Variants in COL23A1 observed in about 807,000 individuals in gnomAD.
COL23A1 encodes collagen alpha-1(XXIII) chain.
In COL23A1, 97 loss-of-function variants were observed where a neutral mutation model predicts 99.3. The observed-to-expected ratio is 0.98, with a 90% CI of 0.83 to 1.16. COL23A1 has a LOEUF of 1.16. Among genes scored for constraint, COL23A1 ranks in the 50% most tolerant of loss-of-function variants. The probability of loss-of-function intolerance (pLI) is 0.00; values close to 1 mark genes in which losing one functional copy is unlikely to be tolerated. For synonymous variants in COL23A1, 320 were observed against 308.2 expected (o/e 1.04, Z -0.40); for missense variants, 762 against 757.4 (o/e 1.01, Z -0.07).
rs112164899 is a variant in COL23A1 at position 178,275,949 on chromosome 5, G to C, written c.442-5586C>G. Among the ~76,000 whole-genome samples, 1,159 of 152,226 alleles carry C rather than the reference G, an allele frequency of 7.6e-3. 15 individuals carry two copies. Among genetic ancestry groups the C allele is most frequent in the African/African-American group, 0.027 (1,101 of 41,536 alleles). On this transcript the variant is annotated intron_variant, in intron 5 of 28. Coordinates refer to ENST00000390654, the MANE Select transcript of COL23A1 (RefSeq NM_173465.4). Reference sequence around the variant, plus strand: ...GAGGGTCTCCTCCATCTCCTTGCTGGGTGCCCTGCAATCATTAAACTCTTT... The same window carrying C: ...GAGGGTCTCCTCCATCTCCTTGCTGCGTGCCCTGCAATCATTAAACTCTTT...
At chr5:178,535,302 T>C (rs911236914) in intron 2 of COL23A1, among the ~76,000 whole-genome samples, 2 of 152,202 alleles carry the variant, frequency 1.3e-5, no homozygotes, top group Non-Finnish European at 1.5e-5. Context: ...CCAGAACTCA[T>C]GCTGAAGGCC....
chr5:178,475,456 C>CAGGG (rs1400828711), intron 2 of COL23A1, among the ~76,000 whole-genome samples: 1 of 152,142 alleles, frequency 6.6e-6, no homozygotes, highest in Non-Finnish European at 1.5e-5. Context: ...AGGTGCTGAG[C>CAGGG]CCCTGTGCCT....
chr5:178,528,126 G>A (rs1760419250), intron 2 of COL23A1, among the ~76,000 whole-genome samples: 1 of 152,052 alleles, frequency 6.6e-6, no homozygotes, highest in African/African-American at 2.4e-5. Context: ...CCCAGTCCCC[G>A]CCTCTGGCCT....
intron 2 of COL23A1, among the ~76,000 whole-genome samples, chr5:178,319,888 C>T (rs999160119): frequency 3.2e-4 from 10 of 30,958 alleles, no homozygotes; most frequent in African/African-American, 9.5e-4. Flanking sequence ...AGGCCTCCCC[C>T]GCCCTATCTG....
chr5:178,461,487 T>C (rs1442176151), intron 2 of COL23A1, among the ~76,000 whole-genome samples: 1 of 152,232 alleles, frequency 6.6e-6, no homozygotes, highest in Non-Finnish European at 1.5e-5. Context: ...CTATTCGGCA[T>C]CATGGTGAGC....
chr5:178,353,952 AAAC>A (rs1401832012), intron 2 of COL23A1, among the ~76,000 whole-genome samples: 15 of 138,356 alleles, frequency 1.1e-4, no homozygotes, highest in South Asian at 2.3e-4. Flanking sequence ...AAAAAAAAAA[AAAC>A]CAAAAAAACC....
At chr5:178,539,294 C>G (rs766245115) in intron 2 of COL23A1, among the ~76,000 whole-genome samples, 1 of 151,988 alleles carries the variant, frequency 6.6e-6, no homozygotes, top group Non-Finnish European at 1.5e-5. Flanking sequence ...CGCCTGTAAT[C>G]CCAGCAATTT....
intron 2 of COL23A1, among the ~76,000 whole-genome samples, chr5:178,356,765 C>T (rs983509553): frequency 6.6e-6 from 1 of 152,062 alleles, no homozygotes; most frequent in Non-Finnish European, 1.5e-5. Flanking sequence ...GCAGGAGTTA[C>T]GCACCCTCCC....
chr5:178,432,021 G>A (rs1766291583), intron 2 of COL23A1, among the ~76,000 whole-genome samples: 1 of 152,212 alleles, frequency 6.6e-6, no homozygotes, highest in Admixed American at 6.5e-5. Flanking sequence ...CAGTTCTGAT[G>A]CGAAATCTAA....
chr5:178,321,610 C>T (rs886158826), intron 2 of COL23A1, among the ~76,000 whole-genome samples: 9 of 151,232 alleles, frequency 6.0e-5, no homozygotes, highest in Admixed American at 5.3e-4. Flanking sequence ...CTGCCTCAGC[C>T]TCCCGAGTAG....
At chr5:178,477,440 C>G (rs1032472866) in intron 2 of COL23A1, among the ~76,000 whole-genome samples, 1 of 152,166 alleles carries the variant, frequency 6.6e-6, no homozygotes, top group African/African-American at 2.4e-5. Context: ...CAATGTAACC[C>G]AGCAATCCAT....
intron 2 of COL23A1, among the ~76,000 whole-genome samples, chr5:178,504,085 G>A (rs530811357): frequency 7.9e-4 from 120 of 152,278 alleles, no homozygotes; most frequent in Non-Finnish European, 1.3e-3. Context: ...TGTACCAGGT[G>A]GAGCTCTGAA....
chr5:178,576,099 G>C (rs952714615), intron 1 of COL23A1, among the ~76,000 whole-genome samples: 7 of 152,188 alleles, frequency 4.6e-5, no homozygotes, highest in Admixed American at 4.6e-4. Context: ...TGCGCAGCAA[G>C]TCGATGCTGG....
chr5:178,427,443 G>A (rs528957432), intron 2 of COL23A1, among the ~76,000 whole-genome samples: 7 of 152,154 alleles, frequency 4.6e-5, no homozygotes, highest in Non-Finnish European at 7.3e-5. Context: ...AGCTGAAAAC[G>A]TATGTCCATA....
In COL23A1 at chr5:178,258,977, C is replaced by T. The variant is rs1765486714; in HGVS notation, c.729+744G>A. ...CGCCCAGCAGGTTGGAGTGCAGTGG[C>T]GCAATCTCAGCTCACTGCAACCTTC... On this transcript the variant is annotated intron_variant, in intron 12 of 28. Coordinates refer to ENST00000390654, the MANE Select transcript of COL23A1 (RefSeq NM_173465.4). Among the ~76,000 whole-genome samples, 3 of 144,278 alleles carry T rather than the reference C, an allele frequency of 2.1e-5. 1 individual carries two copies. The highest frequency in any genetic ancestry group is 7.7e-3 in the Middle Eastern group (2 of 260). The allele number at this position is 144,278 out of a possible 152,430, so 94.7% of individuals were successfully genotyped here. A position where few individuals can be genotyped will look rare whatever the true frequency, so the allele number is the denominator to read the frequency against.
intron 2 of COL23A1, among the ~76,000 whole-genome samples, chr5:178,522,175 C>T (rs555720059): frequency 6.6e-6 from 1 of 152,018 alleles, no homozygotes; most frequent in African/African-American, 2.4e-5. Context: ...TGTCTTTTGC[C>T]CCTTGAGACC....
intron 2 of COL23A1, among the ~76,000 whole-genome samples, chr5:178,409,760 G>A (rs1764968421): frequency 6.6e-6 from 1 of 152,194 alleles, no homozygotes; most frequent in African/African-American, 2.4e-5. Flanking sequence ...ATACAGTTGA[G>A]AAATTAGAAT....
At chr5:178,547,984 AC>A (rs1761785275) in intron 2 of COL23A1, among the ~76,000 whole-genome samples, 1 of 4,842 alleles carries the variant, frequency 2.1e-4, no homozygotes, top group Non-Finnish European at 3.8e-4. Context: ...ACCCACACCC[AC>A]CCCCCACACA....
At chr5:178,525,930 C>T (rs531016366) in intron 2 of COL23A1, among the ~76,000 whole-genome samples, 2 of 152,268 alleles carry the variant, frequency 1.3e-5, no homozygotes, top group Non-Finnish European at 2.9e-5. Flanking sequence ...GGAACACAGG[C>T]CTGACCTCAA....
Sources: gnomAD v4.1 joint callset for allele counts (sites outside exome capture counted in the v4.1 genomes callset) on GRCh38, gnomAD v4.1.1 for gene constraint, MANE v1.5 for transcripts, NCBI Gene and HGNC (gene_info 2026-07-23, HGNC 2026-07-21) for gene names.